The following IPO11 variants were observed in gnomAD, a reference collection of about 807,000 sequenced individuals.
The protein encoded by IPO11 is importin-11.
In IPO11, 66 loss-of-function variants were observed where a neutral mutation model predicts 143.2. The observed-to-expected ratio is 0.46, with a 90% confidence interval of 0.38 to 0.57. The LOEUF (loss-of-function observed/expected upper bound fraction) is 0.57, where lower values mean the gene tolerates loss of function less well. IPO11 is among the 20% of genes least tolerant of loss of function. The pLI is 0.00. For synonymous variants in IPO11, 385 were observed against 377.8 expected (o/e 1.02, Z -0.22); for missense variants, 1,026 against 1,141.0 (o/e 0.90, Z 1.45).
intron 15 of IPO11, among the ~76,000 whole-genome samples, chr5:62,492,060 A>T (rs184413616): frequency 4.1e-4 from 62 of 152,338 alleles, no homozygotes; most frequent in African/African-American, 1.5e-3. Flanking sequence ...TTTAATGTAC[A>T]TATGAGTCAC....
intron 9 of IPO11, among the ~76,000 whole-genome samples, chr5:62,481,108 C>G (rs144521627): frequency 0.015 from 2,311 of 151,814 alleles, 56 homozygotes; most frequent in African/African-American, 0.051. Flanking sequence ...TTAGTAGAGA[C>G]AGGGTTTCAC....
intron 29 of IPO11, among the ~76,000 whole-genome samples, chr5:62,624,695 G>C (rs931206218): frequency 6.6e-6 from 1 of 152,018 alleles, no homozygotes; most frequent in African/African-American, 2.4e-5. Flanking sequence ...ATTCAAGATG[G>C]AGTTGCAGGC....
At chr5:62,563,867 AGACTGG>A (rs1459125669) in intron 27 of IPO11, among the ~76,000 whole-genome samples, 6 of 152,302 alleles carry the variant, frequency 3.9e-5, no homozygotes, top group African/African-American at 1.4e-4. Context: ...ATTAATACTT[AGACTGG>A]GACTTAAGTC....
chr5:62,561,088 G>T, intron 26 of IPO11, 48 bp from the exon 27 acceptor site: 1 of 1,524,388 alleles, frequency 6.6e-7, no homozygotes, highest in Non-Finnish European at 8.9e-7. Context: ...TTACCCACAA[G>T]TAAAACATAT....
At chr5:62,538,633 T>G (rs996712703) in intron 24 of IPO11, among the ~76,000 whole-genome samples, 6 of 152,222 alleles carry the variant, frequency 3.9e-5, no homozygotes, top group African/African-American at 1.4e-4. Flanking sequence ...TATGCTGAAC[T>G]GTGACTCAAT....
chr5:62,605,819 T>A (rs1229064969), intron 29 of IPO11, among the ~76,000 whole-genome samples: 1 of 151,974 alleles, frequency 6.6e-6, no homozygotes, highest in African/African-American at 2.4e-5. Flanking sequence ...TTACTCAGCC[T>A]CAACTTCCTG....
Position 62,448,759 on chromosome 5 carries a change from A to G in IPO11, c.240-1168A>G, listed in dbSNP as rs185629613. 2.0e-5 allele frequency among the ~76,000 whole-genome samples: 3 copies of G among 152,060 alleles called. No homozygotes were observed. In the East Asian group the frequency reaches 5.8e-4, roughly 29 times the overall value. On this transcript the variant is annotated intron_variant, in intron 3 of 29. Coordinates refer to ENST00000325324, the MANE Select transcript of IPO11 (RefSeq NM_016338.5). ...TTTTTTGTAGAGATGGGATCTTGCTATGTTGCCCAGGCTTATCTTGAACTC... is the reference window on the plus strand; with the variant it reads ...TTTTTTGTAGAGATGGGATCTTGCTGTGTTGCCCAGGCTTATCTTGAACTC...
intron 27 of IPO11, among the ~76,000 whole-genome samples, chr5:62,573,864 C>CT (rs1744227083): frequency 6.6e-6 from 1 of 152,152 alleles, no homozygotes; most frequent in South Asian, 2.1e-4. Context: ...ATTGGGTGGT[C>CT]TTCAGCACTG....
intron 21 of IPO11, among the ~76,000 whole-genome samples, chr5:62,528,847 T>C (rs1040619245): frequency 6.6e-6 from 1 of 152,274 alleles, no homozygotes; most frequent in East Asian, 1.9e-4. Flanking sequence ...ATAAAACCAG[T>C]ACACCAGTTG....
intron 26 of IPO11, among the ~76,000 whole-genome samples, chr5:62,552,006 C>A (rs1743404257): frequency 6.6e-6 from 1 of 152,126 alleles, no homozygotes; most frequent in African/African-American, 2.4e-5. Context: ...CACCTGTAGT[C>A]CCAGCTACTT....
intron 27 of IPO11, among the ~76,000 whole-genome samples, chr5:62,571,876 G>A (rs1451193858): frequency 1.3e-5 from 2 of 152,002 alleles, no homozygotes; most frequent in Admixed American, 1.3e-4. Flanking sequence ...AGTAGAGATA[G>A]GGTTTCACCA....
At chr5:62,563,334 A>C (rs1743835409) in intron 27 of IPO11, among the ~76,000 whole-genome samples, 1 of 152,224 alleles carries the variant, frequency 6.6e-6, no homozygotes, top group Non-Finnish European at 1.5e-5. Context: ...GACATGTTAG[A>C]GTTTTCTCCA....
At chr5:62,626,629 G>GT (rs1181625340) in intron 29 of IPO11, among the ~76,000 whole-genome samples, 1 of 145,168 alleles carries the variant, frequency 6.9e-6, no homozygotes, top group Non-Finnish European at 1.5e-5. Flanking sequence ...CACTCCTTTT[G>GT]TTTTCCAAAT....
intron 29 of IPO11, among the ~76,000 whole-genome samples, chr5:62,607,438 G>A (rs1053556053): frequency 6.6e-6 from 1 of 151,832 alleles, no homozygotes; most frequent in African/African-American, 2.4e-5. Flanking sequence ...TCTTTTGCCT[G>A]CTCCCATTTG....
At chr5:62,456,376 G>C (rs1325727186) in intron 5 of IPO11, among the ~76,000 whole-genome samples, 2 of 152,088 alleles carry the variant, frequency 1.3e-5, no homozygotes, top group East Asian at 3.9e-4. Context: ...ATTAACCACT[G>C]TTAAAATCCA....
intron 29 of IPO11, among the ~76,000 whole-genome samples, chr5:62,625,793 A>G (rs1005245689): frequency 6.6e-6 from 1 of 152,236 alleles, no homozygotes; most frequent in Non-Finnish European, 1.5e-5. Context: ...TTAGACACTT[A>G]TATAAGCTAA....
chr5:62,455,512 G>GA (rs1693884324), intron 5 of IPO11, among the ~76,000 whole-genome samples: 1 of 152,170 alleles, frequency 6.6e-6, no homozygotes, highest in African/African-American at 2.4e-5. Context: ...GACAGAGAGA[G>GA]AGTGTCTCAA....
intron 2 of IPO11, among the ~76,000 whole-genome samples, chr5:62,441,495 CCT>C: frequency 1.0e-5 from 1 of 96,762 alleles, no homozygotes; most frequent in African/African-American, 3.9e-5. Context: ...CTGTGCCTGG[CCT>C]TTTTTTTTTT....
At chr5:62,535,874 G>A (rs1021756778) in intron 22 of IPO11, among the ~76,000 whole-genome samples, 2 of 152,104 alleles carry the variant, frequency 1.3e-5, no homozygotes, top group Admixed American at 6.5e-5. Context: ...TTTAGGCATC[G>A]ATGATATTTT....
Sources: gnomAD v4.1 joint callset for allele counts (sites outside exome capture counted in the v4.1 genomes callset) on GRCh38, gnomAD v4.1.1 for gene constraint, MANE v1.5 for transcripts, NCBI Gene and HGNC (gene_info 2026-07-23, HGNC 2026-07-21) for gene names.